Variants in MAP4K5 observed in about 807,000 individuals in gnomAD.
The protein encoded by MAP4K5 is mitogen-activated protein kinase kinase kinase kinase 5.
A neutral mutation model predicts 135.6 loss-of-function variants in MAP4K5; 82 were observed. The observed-to-expected ratio is 0.60, with a 90% CI of 0.51 to 0.73. The LOEUF (loss-of-function observed/expected upper bound fraction) is 0.73, where lower values mean the gene tolerates loss of function less well. MAP4K5 is among the 30% of genes least tolerant of loss of function. The pLI is 0.00. For synonymous variants in MAP4K5, 347 were observed against 335.0 expected, an observed-to-expected ratio of 1.04 and a Z score of -0.39; for missense variants, 907 against 1,010.9, an observed-to-expected ratio of 0.90 and a Z score of 1.39.
upstream of MAP4K5, chr14:50,533,173 A>G (rs115184428): frequency 3.4e-4 from 52 of 152,410 alleles, no homozygotes; most frequent in African/African-American, 1.2e-3. Context: ...GGACTGCTCA[A>G]TGACCTTTGT....
At chr14:50,517,630 T>C (rs776360800) in intron 2 of MAP4K5, among the ~76,000 whole-genome samples, 8 of 151,924 alleles carry the variant, frequency 5.3e-5, no homozygotes, top group African/African-American at 1.7e-4. Context: ...TAGCAGGGCA[T>C]GATGGGTGGG....
intron 2 of MAP4K5, among the ~76,000 whole-genome samples, chr14:50,524,029 C>T (rs2038207582): frequency 6.6e-6 from 1 of 152,210 alleles, no homozygotes; most frequent in South Asian, 2.1e-4. Context: ...AAAAATCCAT[C>T]CTATGTTTTT....
At chr14:50,481,555 T>C (rs2037244251) in intron 6 of MAP4K5, among the ~76,000 whole-genome samples, 1 of 152,050 alleles carries the variant, frequency 6.6e-6, no homozygotes. Flanking sequence ...CAGTTGTAAA[T>C]TACAAAAATA....
intron 31 of MAP4K5, among the ~76,000 whole-genome samples, chr14:50,425,279 A>G (rs1035037302): frequency 6.6e-6 from 1 of 152,066 alleles, no homozygotes; most frequent in Non-Finnish European, 1.5e-5. Context: ...TCAAATCCAG[A>G]CTCTTCCACT....
intron 11 of MAP4K5, 43 bp from the exon 12 acceptor site, chr14:50,464,176 A>G: frequency 1.1e-6 from 1 of 947,114 alleles, no homozygotes; most frequent in Admixed American, 2.1e-5. Flanking sequence ...CACTACTATT[A>G]CGTTTCGGTG....
intron 21 of MAP4K5, among the ~76,000 whole-genome samples, chr14:50,441,743 TACACACACACACACACACACACACACAC>T (rs57651486): frequency 1.8e-4 from 25 of 141,536 alleles, no homozygotes; most frequent in South Asian, 4.7e-4. Context: ...AATTATTTTA[TACACACACACACACACACACACACACAC>T]ACACACACAC....
exon 2 of MAP4K5, chr14:50,542,582 G>T (rs2038579392): frequency 6.6e-6 from 1 of 152,238 alleles, no homozygotes; most frequent in Non-Finnish European, 1.5e-5. Flanking sequence ...GGCCTGAGAT[G>T]ATCTGGAAGA....
chr14:50,451,344 T>A (rs1334287000), intron 14 of MAP4K5, among the ~76,000 whole-genome samples: 2 of 152,072 alleles, frequency 1.3e-5, no homozygotes, highest in Admixed American at 1.3e-4. Context: ...CATTCAGTGT[T>A]CTTACGTATA....
At chr14:50,490,390 T>C (rs752686357) in intron 3 of MAP4K5, among the ~76,000 whole-genome samples, 1 of 152,222 alleles carries the variant, frequency 6.6e-6, no homozygotes, top group East Asian at 1.9e-4. Context: ...TATAGCATGC[T>C]GGGTTCTAAA....
At chr14:50,553,868 G>T (rs901135045) in intron 1 of MAP4K5, among the ~76,000 whole-genome samples, 11 of 152,138 alleles carry the variant, frequency 7.2e-5, no homozygotes, top group African/African-American at 1.9e-4. Context: ...ACCAAATATT[G>T]TATGTTCTCA....
intron 5 of MAP4K5, among the ~76,000 whole-genome samples, chr14:50,483,448 T>A (rs1303599321): frequency 1.3e-5 from 2 of 152,142 alleles, no homozygotes; most frequent in Non-Finnish European, 2.9e-5. Context: ...CCGCGTATTT[T>A]AATCACTGGC....
chr14:50,544,787 A>G (rs900355873), intron 1 of MAP4K5, among the ~76,000 whole-genome samples: 7 of 151,922 alleles, frequency 4.6e-5, no homozygotes, highest in Non-Finnish European at 8.8e-5. Context: ...TTGGGAAAAA[A>G]TTAGCCAGGC....
rs2038655429 is a variant in MAP4K5, at chr14:50,548,013, C to T, written c.-179-5429G>A. Among the ~76,000 whole-genome samples, 5 of 152,142 alleles carry T rather than the reference C, an allele frequency of 3.3e-5. No homozygotes were observed. In the South Asian group the frequency reaches 1.0e-3, roughly 32 times the overall value. Reference sequence around the variant, plus strand: ...AATGATATCATGCTAACCTCAGAGTCTCTTGCAGATGTGGAGACTACCCTA... The same window carrying T: ...AATGATATCATGCTAACCTCAGAGTTTCTTGCAGATGTGGAGACTACCCTA... On this transcript the variant is annotated intron_variant, in intron 1 of 8. Transcript: ENST00000555216.
At chr14:50,428,262 ATTTC>A (rs1261835047) in intron 30 of MAP4K5, among the ~76,000 whole-genome samples, 1 of 151,672 alleles carries the variant, frequency 6.6e-6, no homozygotes, top group African/African-American at 2.4e-5. Flanking sequence ...GATAGAGAAC[ATTTC>A]TATCTTTTTT....
At chr14:50,492,459 T>G (rs1367805492) in intron 3 of MAP4K5, among the ~76,000 whole-genome samples, 1 of 151,962 alleles carries the variant, frequency 6.6e-6, no homozygotes, top group East Asian at 1.9e-4. Flanking sequence ...CCAGATGTGC[T>G]GGCGTGTGCC....
chr14:50,466,494 T>A, intron 11 of MAP4K5, 89 bp downstream of exon 11: 1 of 639,542 alleles, frequency 1.6e-6, no homozygotes, highest in Non-Finnish European at 2.8e-6. Context: ...GTCTATGGAC[T>A]TCTGTTTAAT....
intron 2 of MAP4K5, among the ~76,000 whole-genome samples, chr14:50,528,271 C>T (rs994402050): frequency 1.3e-5 from 2 of 152,092 alleles, no homozygotes; most frequent in Non-Finnish European, 2.9e-5. Context: ...TGAACTCTCC[C>T]TCTTGGGGAT....
At chr14:50,548,532 T>C (rs2038662646) in intron 1 of MAP4K5, among the ~76,000 whole-genome samples, 1 of 152,126 alleles carries the variant, frequency 6.6e-6, no homozygotes, top group Non-Finnish European at 1.5e-5. Flanking sequence ...TGTTTTGAGA[T>C]GGAGTCTTGC....
At chr14:50,433,288 G>C (rs1334401190) in intron 28 of MAP4K5, among the ~76,000 whole-genome samples, 1 of 152,232 alleles carries the variant, frequency 6.6e-6, no homozygotes, top group East Asian at 1.9e-4. Context: ...GGTGGAGGTA[G>C]AAGGGTACAT....
Sources: gnomAD v4.1 joint callset for allele counts (sites outside exome capture counted in the v4.1 genomes callset) on GRCh38, gnomAD v4.1.1 for gene constraint, MANE v1.5 for transcripts, NCBI Gene and HGNC (gene_info 2026-07-23, HGNC 2026-07-21) for gene names.